The following GALNTL6 variants were observed in gnomAD, a reference collection of about 807,000 sequenced individuals.
The protein encoded by GALNTL6 is polypeptide N-acetylgalactosaminyltransferase-like 6.
In GALNTL6, 46 loss-of-function variants were observed where a neutral mutation model predicts 73.7. That is an observed-to-expected ratio of 0.62 (90% confidence interval 0.49 to 0.80). GALNTL6 has a LOEUF of 0.80. Ranked by LOEUF, GALNTL6 falls within the 30% of genes least tolerant of loss-of-function variation. The pLI is 0.00. For missense variants in GALNTL6, 604 were observed against 755.0 expected (o/e 0.80, Z 2.34); for synonymous variants, 259 against 263.7 (o/e 0.98, Z 0.17).
At chr4:172,690,122 C>A (rs1189474481) in intron 5 of GALNTL6, among the ~76,000 whole-genome samples, 1 of 152,050 alleles carries the variant, frequency 6.6e-6, no homozygotes, top group Non-Finnish European at 1.5e-5. Flanking sequence ...TAATAAAAAT[C>A]ACACTTAGCC....
At chr4:172,369,513 C>T (rs766313241) in intron 5 of GALNTL6, among the ~76,000 whole-genome samples, 10 of 152,168 alleles carry the variant, frequency 6.6e-5, no homozygotes, top group African/African-American at 1.4e-4. Context: ...GTGGGCGCCG[C>T]GGAGCAGGGG....
At chr4:172,168,460 CTTGAGACTATCCAGTG>C (rs1734701760) in intron 2 of GALNTL6, among the ~76,000 whole-genome samples, 1 of 152,106 alleles carries the variant, frequency 6.6e-6, no homozygotes, top group South Asian at 2.1e-4. Flanking sequence ...CATATAGACA[CTTGAGACTATCCAGTG>C]CGGATGATGA....
intron 5 of GALNTL6, among the ~76,000 whole-genome samples, chr4:172,577,436 G>A (rs1417648860): frequency 4.6e-5 from 7 of 152,062 alleles, no homozygotes. Context: ...CCAGAAAATT[G>A]GTCGACATAA....
chr4:172,758,330 T>C (rs985468532), intron 5 of GALNTL6, among the ~76,000 whole-genome samples: 1 of 151,918 alleles, frequency 6.6e-6, no homozygotes, highest in Non-Finnish European at 1.5e-5. Context: ...AGGTCAGGAG[T>C]TGGAGACTAG....
In GALNTL6 at chr4:171,836,529, C is replaced by T. The variant is rs528530153; in HGVS notation, c.138+21811C>T. On this transcript the variant is annotated intron_variant, in intron 2 of 12. Coordinates refer to ENST00000506823, the MANE Select transcript of GALNTL6 (RefSeq NM_001034845.3). ...TAACTGAAGACACCCCAGTCCTTGT[C>T]ATGTACCACACACTATTTGAATGCT... 2.0e-5 allele frequency among the ~76,000 whole-genome samples: 3 copies of T among 152,258 alleles called. No homozygotes were observed. The South Asian group carries it at 6.2e-4, about 32-fold the overall frequency.
At chr4:172,896,760 A>G (rs779270086) in intron 8 of GALNTL6, among the ~76,000 whole-genome samples, 1 of 152,164 alleles carries the variant, frequency 6.6e-6, no homozygotes, top group Non-Finnish European at 1.5e-5. Context: ...GCAATTTGGC[A>G]TCAGAGACTG....
chr4:171,821,878 T>C (rs1250637433), intron 2 of GALNTL6, among the ~76,000 whole-genome samples: 4 of 152,102 alleles, frequency 2.6e-5, no homozygotes, highest in Non-Finnish European at 4.4e-5. Flanking sequence ...TCTTAACATT[T>C]TGGATTTCAT....
rs528837894 is a variant in GALNTL6, at chr4:172,560,627, G to C, written c.553+211938G>C. On this transcript the variant is annotated intron_variant, in intron 5 of 12. Transcript: ENST00000506823. ...TCATTCACAGAATATTCTTATACTTGACATTCCTGGGTAATTGAAGTCTGA... is the reference window on the plus strand; with the variant it reads ...TCATTCACAGAATATTCTTATACTTCACATTCCTGGGTAATTGAAGTCTGA... Among the ~76,000 whole-genome samples, 6 of 152,264 alleles carry C rather than the reference G, an allele frequency of 3.9e-5. No individual in the cohort carries two copies. In the South Asian group the frequency reaches 1.2e-3, roughly 32 times the overall value.
At chr4:172,366,545 C>A (rs1742568786) in intron 5 of GALNTL6, among the ~76,000 whole-genome samples, 1 of 152,030 alleles carries the variant, frequency 6.6e-6, no homozygotes, top group Non-Finnish European at 1.5e-5. Flanking sequence ...TGAAAGGTCT[C>A]CTCAAATACA....
At chr4:172,008,420 T>G (rs1257921954) in intron 2 of GALNTL6, among the ~76,000 whole-genome samples, 2 of 152,104 alleles carry the variant, frequency 1.3e-5, no homozygotes, top group East Asian at 3.9e-4. Context: ...CCGTGTTAAA[T>G]CTTTAATATT....
At chr4:173,031,014 A>AAGAGAGAGAG (rs10655625) in intron 12 of GALNTL6, among the ~76,000 whole-genome samples, 3 of 148,366 alleles carry the variant, frequency 2.0e-5, no homozygotes, top group East Asian at 2.0e-4. Flanking sequence ...AAGAAAAGAA[A>AAGAGAGAGAG]AGAGAGAGAG....
chr4:172,251,942 G>A (rs71607875), intron 3 of GALNTL6, among the ~76,000 whole-genome samples: 169 of 152,144 alleles, frequency 1.1e-3, no homozygotes, highest in African/African-American at 3.9e-3. Flanking sequence ...CGTGGCTTTC[G>A]ATTTATAGAA....
intron 2 of GALNTL6, among the ~76,000 whole-genome samples, chr4:172,110,708 G>T (rs1732826396): frequency 6.6e-6 from 1 of 152,036 alleles, no homozygotes. Flanking sequence ...TATGATCAAA[G>T]GAATCAGACA....
chr4:172,601,837 T>G (rs1042053014), intron 5 of GALNTL6, among the ~76,000 whole-genome samples: 1 of 148,374 alleles, frequency 6.7e-6, no homozygotes, highest in Non-Finnish European at 1.5e-5. Context: ...GGCTGAAATT[T>G]ACCAAATTTA....
chr4:172,783,526 T>G (rs1739490677), intron 5 of GALNTL6, among the ~76,000 whole-genome samples: 1 of 148,724 alleles, frequency 6.7e-6, no homozygotes, highest in Non-Finnish European at 1.5e-5. Context: ...AATATAATAA[T>G]AGTAATAATA....
At chr4:172,821,168 AT>A (rs1302597730) in intron 7 of GALNTL6, among the ~76,000 whole-genome samples, 2 of 152,222 alleles carry the variant, frequency 1.3e-5, no homozygotes, top group Non-Finnish European at 2.9e-5. Context: ...ATCCCTTCAA[AT>A]GGGTTAAAGT....
At position 173,006,370 on chromosome 4, in the gene GALNTL6, G is replaced by A. The variant is rs571547365; in HGVS notation, c.1372-2808G>A. Among the ~76,000 whole-genome samples, 5 of 152,218 alleles carry A rather than the reference G, an allele frequency of 3.3e-5. No homozygotes were observed. In the East Asian group the frequency reaches 9.6e-4, roughly 29 times the overall value. Reference sequence around the variant, plus strand: ...TCAGAGTTCTGTCAGGTAGCTTTCAGGTTATAGACAGCTTTAGAAAACCAA... The same window carrying A: ...TCAGAGTTCTGTCAGGTAGCTTTCAAGTTATAGACAGCTTTAGAAAACCAA... On this transcript the variant is annotated intron_variant, in intron 10 of 12. Coordinates refer to ENST00000506823, the MANE Select transcript of GALNTL6 (RefSeq NM_001034845.3).
chr4:172,166,317 A>G (rs1262460197), intron 2 of GALNTL6, among the ~76,000 whole-genome samples: 1 of 152,076 alleles, frequency 6.6e-6, no homozygotes, highest in Admixed American at 6.6e-5. Context: ...GTGGTGGCGC[A>G]TGCCTGTAAT....
intron 5 of GALNTL6, among the ~76,000 whole-genome samples, chr4:172,533,846 A>T (rs1166442746): frequency 6.6e-6 from 1 of 152,182 alleles, no homozygotes. Flanking sequence ...AATAATGTAA[A>T]ATATTAATTT....
Sources: gnomAD v4.1 joint callset for allele counts (sites outside exome capture counted in the v4.1 genomes callset) on GRCh38, gnomAD v4.1.1 for gene constraint, MANE v1.5 for transcripts, NCBI Gene and HGNC (gene_info 2026-07-23, HGNC 2026-07-21) for gene names.